Variants in MEIS2 observed in about 807,000 individuals in gnomAD.
The protein encoded by MEIS2 is homeobox protein Meis2.
In MEIS2, 9 loss-of-function variants were observed where a neutral mutation model predicts 58.6. That is an observed-to-expected ratio of 0.15 (90% CI 0.09 to 0.27). The LOEUF (loss-of-function observed/expected upper bound fraction) is 0.27, where lower values mean the gene tolerates loss of function less well. Among genes scored for constraint, MEIS2 ranks in the 10% least tolerant of loss-of-function variants. The pLI, the probability that MEIS2 is intolerant of heterozygous loss-of-function variation, is 1.00. For missense variants in MEIS2, 427 were observed against 635.0 expected, an observed-to-expected ratio of 0.67 and a Z score of 3.52; for synonymous variants, 221 against 228.4, an observed-to-expected ratio of 0.97 and a Z score of 0.29.
chr15:37,031,058 G>A lies in MEIS2; in HGVS notation c.900+5756C>T, dbSNP rs1211938608. On this transcript the variant is annotated intron_variant, in intron 8 of 11. Coordinates refer to ENST00000561208, the MANE Select transcript of MEIS2 (RefSeq NM_170675.5). Reference sequence around the variant, plus strand: ...AAGCCTTCTGCTAGCCATTTAACTGGATTAAAATAAAAATTATAGTTACTT... The same window carrying A: ...AAGCCTTCTGCTAGCCATTTAACTGAATTAAAATAAAAATTATAGTTACTT... 3.9e-5 allele frequency among the ~76,000 whole-genome samples: 6 copies of A among 152,246 alleles called. No homozygotes were observed. In the East Asian group the frequency reaches 9.6e-4, roughly 24 times the overall value.
At chr15:36,998,406 A>T (rs1323357570) in intron 8 of MEIS2, among the ~76,000 whole-genome samples, 1 of 151,774 alleles carries the variant, frequency 6.6e-6, no homozygotes, top group Admixed American at 6.6e-5. Flanking sequence ...CTTTTTGTAG[A>T]GATGGGGTCT....
chr15:36,963,711 A>G (rs2141438277), intron 8 of MEIS2, among the ~76,000 whole-genome samples: 1 of 152,350 alleles, frequency 6.6e-6, no homozygotes, highest in African/African-American at 2.4e-5. Context: ...CAATTCTACG[A>G]ACATTGATGG....
At chr15:36,955,364 T>C (rs1270332634) in intron 8 of MEIS2, among the ~76,000 whole-genome samples, 3 of 152,198 alleles carry the variant, frequency 2.0e-5, no homozygotes, top group Admixed American at 2.0e-4. Flanking sequence ...CTCTGTTAAG[T>C]ATAACTTCCT....
chr15:36,995,973 A>G (rs1224614145), intron 8 of MEIS2, among the ~76,000 whole-genome samples: 3 of 7,898 alleles, frequency 3.8e-4, no homozygotes, highest in Non-Finnish European at 1.1e-3. Flanking sequence ...ATATATATAT[A>G]TATATATATA....
At chr15:37,097,935 C>T (rs1894499972) in intron 2 of MEIS2, 32 bp downstream of exon 2, 1 of 1,558,818 alleles carries the variant, frequency 6.4e-7, no homozygotes, top group Non-Finnish European at 8.7e-7. Flanking sequence ...CACACTCACA[C>T]ACAGTAAGCT....
intron 9 of MEIS2, among the ~76,000 whole-genome samples, chr15:36,938,721 A>G (rs571718999): frequency 4.6e-5 from 7 of 152,188 alleles, no homozygotes; most frequent in Non-Finnish European, 1.0e-4. Flanking sequence ...CAGGCTTAGA[A>G]TCATAAAATA....
chr15:36,896,459 C>T (rs2056182247), intron 10 of MEIS2, among the ~76,000 whole-genome samples, 169 bp downstream of exon 10: 2 of 151,998 alleles, frequency 1.3e-5, no homozygotes, highest in Admixed American at 1.3e-4. Context: ...CTCCAATTAG[C>T]ACCACTTACT....
intron 7 of MEIS2, among the ~76,000 whole-genome samples, chr15:37,064,843 C>G (rs1750985410): frequency 6.6e-6 from 1 of 152,132 alleles, no homozygotes; most frequent in Non-Finnish European, 1.5e-5. Context: ...CAACAAACAA[C>G]TACAACATTT....
chr15:37,089,942 T>A (rs1748740959), intron 6 of MEIS2, among the ~76,000 whole-genome samples: 1 of 152,132 alleles, frequency 6.6e-6, no homozygotes, highest in African/African-American at 2.4e-5. Context: ...ATTCAGGAAC[T>A]CCACATGCTA....
intron 8 of MEIS2, among the ~76,000 whole-genome samples, chr15:37,010,330 G>C (rs1006147817): frequency 6.6e-6 from 1 of 151,802 alleles, no homozygotes; most frequent in Non-Finnish European, 1.5e-5. Context: ...CTCATGATCC[G>C]CCCATCTTGG....
intron 9 of MEIS2, chr15:36,897,882 A>G (rs912720955): frequency 1.3e-5 from 2 of 152,248 alleles, no homozygotes; most frequent in Non-Finnish European, 2.9e-5. Flanking sequence ...CTTTGAAATT[A>G]GCCAGAAAAA....
At chr15:36,924,081 C>T (rs2057638689) in intron 9 of MEIS2, among the ~76,000 whole-genome samples, 1 of 152,186 alleles carries the variant, frequency 6.6e-6, no homozygotes, top group African/African-American at 2.4e-5. Context: ...AGGAGAAAGC[C>T]CTTTCCAGAA....
At position 36,953,549 on chromosome 15, in the gene MEIS2, C is replaced by G. The variant is rs77575043; in HGVS notation, c.901-3149G>C. ...TCAACTTACTCATAAGAGCACACGT[C>G]ATTGTAACCTGATAGCAATGATTAG... On this transcript the variant is annotated intron_variant, in intron 8 of 11. Coordinates refer to ENST00000561208, the MANE Select transcript of MEIS2 (RefSeq NM_170675.5). Among the ~76,000 whole-genome samples the G allele has an allele frequency of 5.8e-3, 876 of 152,248 alleles. 8 individuals are homozygous for G. Among genetic ancestry groups the G allele is most frequent in the African/African-American group, 0.02 (817 of 41,546 alleles).
upstream of MEIS2, chr15:37,100,869 T>C (rs1315632329): frequency 6.8e-6 from 1 of 147,986 alleles, no homozygotes; most frequent in South Asian, 2.1e-4. Flanking sequence ...GATCTTTTCA[T>C]TTAAAAAAAA....
intron 9 of MEIS2, among the ~76,000 whole-genome samples, chr15:36,930,512 G>C (rs2057934845): frequency 6.6e-6 from 1 of 152,106 alleles, no homozygotes; most frequent in African/African-American, 2.4e-5. Flanking sequence ...CTCGATGAGC[G>C]ATATGCATTA....
intron 9 of MEIS2, among the ~76,000 whole-genome samples, chr15:36,906,651 G>GA (rs56715244): frequency 0.2 from 18,821 of 96,514 alleles, 1,542 homozygotes; most frequent in Middle Eastern, 0.29. Flanking sequence ...AGCCACTCAA[G>GA]AAAAAAAAAA....
At chr15:37,038,077 T>A (rs1017610378) in intron 7 of MEIS2, among the ~76,000 whole-genome samples, 2 of 152,222 alleles carry the variant, frequency 1.3e-5, no homozygotes, top group African/African-American at 2.4e-5. Context: ...GCCAGGGTCC[T>A]GGAAGGACAT....
chr15:37,008,691 A>G (rs2061011705), intron 8 of MEIS2, among the ~76,000 whole-genome samples: 1 of 152,252 alleles, frequency 6.6e-6, no homozygotes, highest in African/African-American at 2.4e-5. Flanking sequence ...CTAGAAAATT[A>G]TCAAAACTAT....
At chr15:37,067,526 C>T (rs930592470) in intron 7 of MEIS2, among the ~76,000 whole-genome samples, 11 of 151,744 alleles carry the variant, frequency 7.2e-5, no homozygotes, top group Non-Finnish European at 2.9e-5. Context: ...ACTAGAAGGC[C>T]CACATTCAGA....
Sources: gnomAD v4.1 joint callset for allele counts (sites outside exome capture counted in the v4.1 genomes callset) on GRCh38, gnomAD v4.1.1 for gene constraint, MANE v1.5 for transcripts, NCBI Gene and HGNC (gene_info 2026-07-23, HGNC 2026-07-21) for gene names.